ST7: variants seen among roughly 807,000 people sequenced by gnomAD.
ST7 encodes suppressor of tumorigenicity 7 protein.
Under a neutral mutation model 78.7 loss-of-function variants are expected in ST7, and 28 were observed. That is an observed-to-expected ratio of 0.36 (90% confidence interval 0.26 to 0.49). The LOEUF is 0.49. ST7 is among the 20% of genes least tolerant of loss of function. The pLI is 0.99. For synonymous variants in ST7, 247 were observed against 249.6 expected (o/e 0.99, Z 0.10); for missense variants, 418 against 696.0 (o/e 0.60, Z 4.49).
chr7:117,179,599 T>C (rs898654541), intron 10 of ST7, among the ~76,000 whole-genome samples: 7 of 152,220 alleles, frequency 4.6e-5, no homozygotes, highest in Middle Eastern at 3.4e-3. Flanking sequence ...AGAGGCACAA[T>C]TGGCATGGCT....
intron 9 of ST7, among the ~76,000 whole-genome samples, chr7:117,164,147 C>T (rs925765057): frequency 2.0e-5 from 3 of 152,154 alleles, no homozygotes; most frequent in African/African-American, 7.2e-5. Context: ...AAAACAGACA[C>T]ACAAACCGAT....
chr7:116,982,700 C>T (rs1192237387), intron 1 of ST7, among the ~76,000 whole-genome samples: 1 of 152,136 alleles, frequency 6.6e-6, no homozygotes, highest in Non-Finnish European at 1.5e-5. Context: ...TTGCACTTTT[C>T]CTGTTCCATT....
chr7:117,007,155 G>A (rs942887976), intron 1 of ST7, among the ~76,000 whole-genome samples: 2 of 152,222 alleles, frequency 1.3e-5, no homozygotes, highest in African/African-American at 4.8e-5. Flanking sequence ...GTCAAAAGCT[G>A]ACATAGGCCA....
rs543991112 is a variant in ST7 at position 117,164,642 on chromosome 7, C to T, written c.964-6220C>T. Among the ~76,000 whole-genome samples the T allele has an allele frequency of 2.6e-5, 4 of 152,246 alleles. No individual in the cohort carries two copies. The South Asian group carries it at 8.3e-4, about 32-fold the overall frequency. ...CTTTCCTCTGCAATACAGCTATCTT[C>T]TTAAATTCATGTAAACACAATACAA... On this transcript the variant is annotated intron_variant, in intron 9 of 15. Transcript: ENST00000323984.
chr7:116,975,644 G>T (rs1231235688), intron 1 of ST7, among the ~76,000 whole-genome samples: 1 of 151,618 alleles, frequency 6.6e-6, no homozygotes, highest in Non-Finnish European at 1.5e-5. Context: ...CTGACCTCAA[G>T]TGATCTGCCT....
intron 2 of ST7, among the ~76,000 whole-genome samples, chr7:117,111,100 G>A (rs999413728): frequency 3.9e-5 from 6 of 152,134 alleles, no homozygotes; most frequent in Non-Finnish European, 5.9e-5. Context: ...AGCCTTTAGG[G>A]ACTCAGCTTT....
intron 1 of ST7, among the ~76,000 whole-genome samples, chr7:117,061,101 T>G (rs1798328610): frequency 6.6e-6 from 1 of 152,204 alleles, no homozygotes; most frequent in Non-Finnish European, 1.5e-5. Flanking sequence ...GAGTTTTAGG[T>G]CCTGCCATTT....
At chr7:116,961,656 G>A (rs1792835482) in intron 1 of ST7, among the ~76,000 whole-genome samples, 1 of 151,508 alleles carries the variant, frequency 6.6e-6, no homozygotes, top group Non-Finnish European at 1.5e-5. Flanking sequence ...ACTGTTGTTG[G>A]TGTATAGGAA....
intron 1 of ST7, among the ~76,000 whole-genome samples, chr7:117,076,176 T>C (rs754315307): frequency 1.3e-5 from 2 of 152,214 alleles, no homozygotes; most frequent in Non-Finnish European, 2.9e-5. Context: ...ACCTTAGTGA[T>C]TGGCTTTCAG....
Position 117,124,106 on chromosome 7 carries a change from C to T in ST7, c.394+4386C>T, listed in dbSNP as rs528149445. ...AAGCAATTTAAGTGCTGATTAAATT[C>T]AGATCATAAAGAAAAACAATGGCGA... is the stretch of plus-strand genomic sequence containing the variant. On this transcript the variant is annotated intron_variant, in intron 3 of 15. Coordinates refer to ENST00000323984, the MANE Select transcript of ST7 (RefSeq NM_001369598.1). Among the ~76,000 whole-genome samples, 12 of 151,990 alleles carry T rather than the reference C, an allele frequency of 7.9e-5. No homozygotes were observed. The South Asian group carries it at 1.7e-3, about 21-fold the overall frequency.
intron 9 of ST7, among the ~76,000 whole-genome samples, chr7:117,162,670 G>A (rs774529849): frequency 3.3e-5 from 5 of 151,892 alleles, no homozygotes; most frequent in Non-Finnish European, 5.9e-5. Context: ...AACCAGCTGT[G>A]TGTAAGAGAT....
intron 2 of ST7, among the ~76,000 whole-genome samples, chr7:117,116,955 CA>C (rs1802939038): frequency 6.6e-6 from 1 of 152,268 alleles, no homozygotes; most frequent in Non-Finnish European, 1.5e-5. Flanking sequence ...CACAGAGGGA[CA>C]GTGTCAGAGG....
intron 7 of ST7, among the ~76,000 whole-genome samples, chr7:117,135,368 A>C (rs1226184627): frequency 6.6e-6 from 1 of 152,082 alleles, no homozygotes; most frequent in African/African-American, 2.4e-5. Context: ...ATTGTTGTTG[A>C]AGGCATGAGA....
At chr7:117,036,053 T>C (rs546441675) in intron 1 of ST7, among the ~76,000 whole-genome samples, 148 of 152,346 alleles carry the variant, frequency 9.7e-4, no homozygotes, top group Middle Eastern at 3.4e-3. Flanking sequence ...CTGGTTTTTC[T>C]TTTTCTGACC....
chr7:117,194,404 C>A (rs1310662122), intron 12 of ST7, among the ~76,000 whole-genome samples: 1 of 152,184 alleles, frequency 6.6e-6, no homozygotes, highest in Non-Finnish European at 1.5e-5. Flanking sequence ...AACCCTGTTG[C>A]CCCTTCACCA....
intron 13 of ST7, among the ~76,000 whole-genome samples, chr7:117,213,399 G>A (rs983183282): frequency 5.9e-5 from 9 of 152,096 alleles, no homozygotes; most frequent in African/African-American, 2.2e-4. Context: ...ATTTATTTTG[G>A]GAGATTTAAA....
intron 9 of ST7, among the ~76,000 whole-genome samples, chr7:117,159,094 A>G (rs1450296781): frequency 6.6e-6 from 1 of 152,236 alleles, no homozygotes; most frequent in East Asian, 1.9e-4. Flanking sequence ...AAATGCTTAA[A>G]TAGATACAAA....
chr7:117,055,969 A>G (rs1798043402), intron 1 of ST7, among the ~76,000 whole-genome samples: 1 of 152,194 alleles, frequency 6.6e-6, no homozygotes, highest in Non-Finnish European at 1.5e-5. Flanking sequence ...CTTGGAGTCC[A>G]ATATTTGAGG....
At chr7:117,065,402 G>C (rs1798582601) in intron 1 of ST7, among the ~76,000 whole-genome samples, 1 of 151,884 alleles carries the variant, frequency 6.6e-6, no homozygotes, top group Non-Finnish European at 1.5e-5. Context: ...GTAGAGACGG[G>C]GTTTCACCGT....
Sources: gnomAD v4.1 joint callset for allele counts (sites outside exome capture counted in the v4.1 genomes callset) on GRCh38, gnomAD v4.1.1 for gene constraint, MANE v1.5 for transcripts, NCBI Gene and HGNC (gene_info 2026-07-23, HGNC 2026-07-21) for gene names.